The following SIRPA variants were observed in gnomAD, a reference collection of about 807,000 sequenced individuals.
SIRPA encodes signal regulatory protein alpha.
A neutral mutation model predicts 50.3 loss-of-function variants in SIRPA; 9 were observed. The ratio of observed to expected loss-of-function variants is 0.18; its 90% CI spans 0.11 to 0.31. The LOEUF (loss-of-function observed/expected upper bound fraction) is 0.31, where lower values mean the gene tolerates loss of function less well. SIRPA is among the 10% of genes least tolerant of loss of function. SIRPA has a pLI of 1.00. For synonymous variants in SIRPA, 265 were observed against 284.1 expected, an observed-to-expected ratio of 0.93 and a Z score of 0.68; for missense variants, 474 against 661.6, an observed-to-expected ratio of 0.72 and a Z score of 3.11.
At chr20:1,901,163 CTTTTTTTTTTTTTT>C (rs869181595) in intron 1 of SIRPA, among the ~76,000 whole-genome samples, 2 of 78,838 alleles carry the variant, frequency 2.5e-5, no homozygotes, top group Non-Finnish European at 4.5e-5. Flanking sequence ...TTCTTTCTTT[CTTTTTTTTTTTTTT>C]TTTTTTTTTT....
intron 2 of SIRPA, among the ~76,000 whole-genome samples, chr20:1,916,530 CT>C (rs370260955): frequency 2.9e-3 from 446 of 152,348 alleles, no homozygotes; most frequent in African/African-American, 0.01. Context: ...AGCACTTCTC[CT>C]TTCCATCAGT....
intron 1 of SIRPA, among the ~76,000 whole-genome samples, chr20:1,897,516 C>T (rs1983902873): frequency 6.6e-6 from 1 of 152,172 alleles, no homozygotes; most frequent in Admixed American, 6.5e-5. Context: ...TTGCTCCAGA[C>T]ATGGAATTTA....
At chr20:1,917,414 T>G (rs1217682301) in intron 2 of SIRPA, among the ~76,000 whole-genome samples, 7 of 152,134 alleles carry the variant, frequency 4.6e-5, no homozygotes, top group Admixed American at 4.6e-4. Flanking sequence ...TCCAAACTCT[T>G]GCAGTTCTAT....
intron 2 of SIRPA, among the ~76,000 whole-genome samples, chr20:1,918,164 A>ACC (rs1471735676): frequency 7.3e-5 from 11 of 151,624 alleles, no homozygotes; most frequent in African/African-American, 2.2e-4. Context: ...TGCAGAGTAG[A>ACC]CACCCCCAAA....
Position 1,937,495 on chromosome 20 carries a change from C to G in SIRPA, c.1442C>G (p.Thr481Ser). Residue 481 changes from threonine to serine, a missense_variant, in exon 8 of 8, where the codon ACC (threonine) becomes AGC (serine). Coordinates refer to ENST00000358771, the MANE Select transcript of SIRPA (RefSeq NM_001040023.2). The surrounding 1 kb of genome is among the most constrained non-coding windows in gnomAD (Gnocchi z 8.3). Reference protein sequence around the residue: ...ADLDMVHLNRTPKQPAPKPEP... With the variant: ...ADLDMVHLNRSPKQPAPKPEP... Reference sequence around the variant, plus strand: ...CTGGACATGGTCCACCTCAACCGGACCCCCAAGCAGCCGGCCCCCAAGCCT... The same window carrying G: ...CTGGACATGGTCCACCTCAACCGGAGCCCCAAGCAGCCGGCCCCCAAGCCT... 1 of 1,614,132 alleles carries G rather than the reference C, an allele frequency of 6.2e-7. No homozygotes were observed. The highest frequency in any genetic ancestry group is 2.2e-5 in the East Asian group (1 of 44,870).
chr20:1,930,818 G>A (rs1176841125), intron 6 of SIRPA, among the ~76,000 whole-genome samples: 8 of 152,100 alleles, frequency 5.3e-5, no homozygotes, highest in Non-Finnish European at 8.8e-5. Context: ...TTGAACTCCC[G>A]ACCTCAGGTA....
chr20:1,926,950 TCTGGTGTAAAAGGGGGTGA>T (rs1158294574), intron 5 of SIRPA, among the ~76,000 whole-genome samples: 1 of 152,228 alleles, frequency 6.6e-6, no homozygotes, highest in Non-Finnish European at 1.5e-5. Context: ...ACCTAGTCTC[TCTGGTGTAAAAGGGGGTGA>T]CTGGTGTCCT....
At chr20:1,917,976 CAATT>C (rs1568503778) in intron 2 of SIRPA, among the ~76,000 whole-genome samples, 1 of 152,082 alleles carries the variant, frequency 6.6e-6, no homozygotes, top group East Asian at 1.9e-4. Flanking sequence ...GGCACTTGCT[CAATT>C]GATTGACATG....
intron 2 of SIRPA, among the ~76,000 whole-genome samples, chr20:1,919,963 T>C (rs917488990): frequency 4.8e-5 from 7 of 144,426 alleles, no homozygotes; most frequent in Non-Finnish European, 1.1e-4. Flanking sequence ...GAAGCAGTAA[T>C]GACCAGACCT....
rs1986289275 is a variant in SIRPA at position 1,931,376 on chromosome 20, C to T, written c.1227-3339C>T. On this transcript the variant is annotated intron_variant, in intron 6 of 7. Transcript: ENST00000358771. ...CGGCTAGGAAGCACCGGAATGATGA[C>T]TTCAGCCTCGACATCTCTTGTACTA... Among the ~76,000 whole-genome samples the T allele has an allele frequency of 1.3e-5, 2 of 152,222 alleles. 1 individual carries two copies.
At chr20:1,929,814 C>A (rs779027910) in intron 6 of SIRPA, among the ~76,000 whole-genome samples, 34 of 152,318 alleles carry the variant, frequency 2.2e-4, no homozygotes, top group Non-Finnish European at 3.5e-4. Context: ...AAGGGCAAGA[C>A]TCGTTTATAT....
In SIRPA at chr20:1,937,317, C is replaced by G; in HGVS notation, c.1267-3C>G. 1 of 1,610,272 alleles carries G rather than the reference C, an allele frequency of 6.2e-7. No individual in the cohort carries two copies. Among genetic ancestry groups the G allele is most frequent in the Non-Finnish European group, 8.5e-7 (1 of 1,177,092 alleles). On this transcript the variant is annotated splice_polypyrimidine_tract_variant and splice_region_variant and intron_variant, in intron 7 of 7. Transcript: ENST00000358771. The surrounding 1 kb of genome is among the most constrained non-coding windows in gnomAD (Gnocchi z 8.3). ...ACTTTCTCTTTGGGTATCTTAAATCCAGGACACAAATGATATCACATATGC... is the reference window on the plus strand; with the variant it reads ...ACTTTCTCTTTGGGTATCTTAAATCGAGGACACAAATGATATCACATATGC...
intron 2 of SIRPA, among the ~76,000 whole-genome samples, chr20:1,919,714 G>C (rs546548476): frequency 5.8e-4 from 89 of 152,254 alleles, no homozygotes; most frequent in Non-Finnish European, 1.1e-3. Flanking sequence ...AATGCTTCCA[G>C]CTTCTGTAAA....
rs1312157611 is a variant in SIRPA at position 1,932,846 on chromosome 20, C to T, written c.1227-1869C>T. 6.6e-6 allele frequency among the ~76,000 whole-genome samples: 1 copy of T among 152,152 alleles called. No homozygotes were observed. Among genetic ancestry groups the T allele is most frequent in the Non-Finnish European group, 1.5e-5 (1 of 68,018 alleles). The stretch of plus-strand genomic sequence containing the variant: ...AGAGAAGAATCAGGACTGACTCCCA[C>T]TTCTCCAGCCTGAGCACAGGATGAC... On this transcript the variant is annotated intron_variant, in intron 6 of 7. Transcript: ENST00000358771. The surrounding 1 kb of genome is among the most constrained non-coding windows in gnomAD (Gnocchi z 6.0).
intron 6 of SIRPA, among the ~76,000 whole-genome samples, chr20:1,930,019 C>G (rs1204234170): frequency 6.6e-6 from 1 of 152,158 alleles, no homozygotes; most frequent in East Asian, 1.9e-4. Flanking sequence ...CCCTCCTCCC[C>G]CTTGCACACT....
chr20:1,908,597 A>C (rs533959443), intron 1 of SIRPA, among the ~76,000 whole-genome samples: 2 of 152,218 alleles, frequency 1.3e-5, no homozygotes, highest in African/African-American at 2.4e-5. Flanking sequence ...CCTTGTGCCC[A>C]CCCATGTGTA....
At chr20:1,935,514 C>T (rs563245336) in intron 7 of SIRPA, among the ~76,000 whole-genome samples, 1 of 152,374 alleles carries the variant, frequency 6.6e-6, no homozygotes, top group African/African-American at 2.4e-5. Flanking sequence ...ATTTGTAGAC[C>T]AAAATGCCTT....
chr20:1,917,327 G>A (rs74842117), intron 2 of SIRPA, among the ~76,000 whole-genome samples: 1,550 of 152,310 alleles, frequency 0.01, 12 homozygotes, highest in Non-Finnish European at 0.014. Context: ...ATCCCCACCA[G>A]CCTGACTCAC....
In SIRPA at chr20:1,924,788, A is replaced by C. The variant is rs771010369; in HGVS notation, c.1112A>C (p.Asn371Thr). 16 of 1,614,072 alleles carry C rather than the reference A, an allele frequency of 9.9e-6. No individual in the cohort carries two copies. Among genetic ancestry groups the C allele is most frequent in the Non-Finnish European group, 1.4e-5 (16 of 1,180,024 alleles). ...GAGAACACTGGATCTAATGAACGGA[A>C]CATCTATATTGTGGTGGGTGTGGTG... The part of the protein sequence containing the change: ...AAENTGSNER[N>T]IYIVVGVVCT... The change falls in exon 5 of 8, where the codon AAC becomes ACC. Residue 371 changes from asparagine (N) to threonine (T), a missense_variant. Asn to Thr is a moderately conservative substitution (Grantham distance 65). This residue lies in a region of SIRPA where 180 missense variants were observed against 206.7 expected (regional missense o/e 0.87). Transcript: ENST00000358771. This position sits in a 1 kb window ranked among gnomAD's most constrained non-coding sequence, Gnocchi z 4.5.
Sources: gnomAD v4.1 joint callset for allele counts (sites outside exome capture counted in the v4.1 genomes callset) on GRCh38, gnomAD v4.1.1 for gene constraint, gnomAD v4.1.1 regional missense constraint, Gnocchi (gnomAD v3.1) non-coding constraint, MANE v1.5 for transcripts, NCBI Gene and HGNC (gene_info 2026-07-23, HGNC 2026-07-21) for gene names.